Variants in REC114 observed in about 807,000 individuals in gnomAD.
REC114 encodes meiotic recombination protein REC114.
REC114 carries 27 observed loss-of-function variants against 31.3 expected under a neutral mutation model. That is an observed-to-expected ratio of 0.86 (90% CI 0.64 to 1.19). The LOEUF is 1.19. Ranked by LOEUF, REC114 falls within the 50% of genes most tolerant of loss-of-function variation. The pLI is 0.00. For missense variants in REC114, 344 were observed against 326.9 expected, an observed-to-expected ratio of 1.05 and a Z score of -0.40; for synonymous variants, 134 against 127.7, an observed-to-expected ratio of 1.05 and a Z score of -0.33.
intron 2 of REC114, among the ~76,000 whole-genome samples, chr15:73,497,526 T>C (rs1344674194): frequency 6.6e-6 from 1 of 152,186 alleles, no homozygotes; most frequent in Admixed American, 6.5e-5. Flanking sequence ...AATATCAGGG[T>C]TCTTACTCTA....
rs1045326912 is a variant in REC114 at position 73,487,984 on chromosome 15, G to A, written c.249+14063G>A. ...ACACCTGCAGAATTAGCACCATGTGGATGCTGTCAAGATTTATGTCTTGTG... is the reference window on the plus strand; with the variant it reads ...ACACCTGCAGAATTAGCACCATGTGAATGCTGTCAAGATTTATGTCTTGTG... On this transcript the variant is annotated intron_variant, in intron 2 of 5. Transcript: ENST00000331090. 5.3e-5 allele frequency among the ~76,000 whole-genome samples: 8 copies of A among 152,174 alleles called. 1 individual carries two copies. The South Asian group carries it at 6.2e-4, about 12-fold the overall frequency.
chr15:73,448,267 A>G (rs1892795407), intron 1 of REC114, among the ~76,000 whole-genome samples: 1 of 152,112 alleles, frequency 6.6e-6, no homozygotes, highest in Admixed American at 6.5e-5. Flanking sequence ...TCTCACTGCT[A>G]GCACAGCAGT....
At chr15:73,527,672 C>T (rs974274033) in intron 2 of REC114, among the ~76,000 whole-genome samples, 1 of 152,112 alleles carries the variant, frequency 6.6e-6, no homozygotes, top group Admixed American at 6.6e-5. Context: ...CTCTTATTCC[C>T]TGTTGGTCAG....
chr15:73,535,691 G>A (rs1894145029), intron 2 of REC114, among the ~76,000 whole-genome samples: 1 of 143,938 alleles, frequency 6.9e-6, no homozygotes, highest in South Asian at 2.4e-4. Flanking sequence ...AGTTCATATG[G>A]AACCAAAAAA....
intron 2 of REC114, among the ~76,000 whole-genome samples, chr15:73,520,781 T>C (rs962708922): frequency 6.6e-6 from 1 of 152,218 alleles, no homozygotes; most frequent in Admixed American, 6.5e-5. Context: ...TAAAAGAGTA[T>C]TTCTAAATCT....
intron 1 of REC114, among the ~76,000 whole-genome samples, chr15:73,461,899 ATTTTTC>A (rs1303793925): frequency 2.4e-4 from 27 of 110,682 alleles, no homozygotes; most frequent in South Asian, 8.6e-4. Context: ...TAGAGATAAC[ATTTTTC>A]TTTTTCTTTT....
At chr15:73,558,557 C>T (rs1894511466) in intron 5 of REC114, among the ~76,000 whole-genome samples, 1 of 152,222 alleles carries the variant, frequency 6.6e-6, no homozygotes, top group Non-Finnish European at 1.5e-5. Flanking sequence ...TGAAAAGATG[C>T]TCAACATTAT....
chr15:73,476,246 T>G (rs1434235287), intron 2 of REC114, among the ~76,000 whole-genome samples: 3 of 152,198 alleles, frequency 2.0e-5, no homozygotes, highest in Non-Finnish European at 4.4e-5. Flanking sequence ...AAAAATCACT[T>G]TTATTGAGGT....
intron 4 of REC114, among the ~76,000 whole-genome samples, chr15:73,551,612 CTA>C (rs1171767969): frequency 6.6e-6 from 1 of 152,152 alleles, no homozygotes; most frequent in Non-Finnish European, 1.5e-5. Flanking sequence ...TAAGAACAAA[CTA>C]ACGAAATAAC....
chr15:73,496,375 A>T (rs1021107337), intron 2 of REC114, among the ~76,000 whole-genome samples: 2 of 150,410 alleles, frequency 1.3e-5, no homozygotes, highest in Non-Finnish European at 3.0e-5. Flanking sequence ...AAAAAAAAAA[A>T]AAAGTTGCAA....
At chr15:73,479,046 C>T (rs1308554486) in intron 2 of REC114, among the ~76,000 whole-genome samples, 1 of 152,084 alleles carries the variant, frequency 6.6e-6, no homozygotes. Flanking sequence ...CCCTGCCTGC[C>T]TCACCCGCTT....
intron 5 of REC114, among the ~76,000 whole-genome samples, chr15:73,559,012 A>G (rs1269436908): frequency 6.6e-6 from 1 of 152,252 alleles, no homozygotes; most frequent in Non-Finnish European, 1.5e-5. Flanking sequence ...ATTAATCCCA[A>G]ATGTATTCAT....
chr15:73,542,966 T>TAG (rs1894260421), intron 3 of REC114, among the ~76,000 whole-genome samples: 1 of 150,664 alleles, frequency 6.6e-6, no homozygotes, highest in African/African-American at 2.4e-5. Flanking sequence ...TTTTTTTATA[T>TAG]AAATTTGCCC....
In REC114 at chr15:73,551,067, G is replaced by A; in HGVS notation, c.463G>A (p.Glu155Lys). 10 of 1,613,796 alleles carry A rather than the reference G, an allele frequency of 6.2e-6. No homozygotes were observed. Among genetic ancestry groups the A allele is most frequent in the Non-Finnish European group, 8.5e-6 (10 of 1,179,828 alleles). The change falls in exon 4 of 6, where the codon GAG becomes AAG. Residue 155 changes from glutamate (E) to lysine (K), a missense_variant. By Grantham distance (56) the Glu-to-Lys change is moderately conservative. Transcript: ENST00000331090. ...GCAGGTGCCTGATGGAAACATCCAG[G>A]AGCTTCAGCTGATTCCTGGCCCACC... ...TVQVPDGNIQELQLIPGPPRA... is the reference protein window; with the variant it reads ...TVQVPDGNIQKLQLIPGPPRA...
At chr15:73,536,023 A>G (rs1404260286) in intron 2 of REC114, among the ~76,000 whole-genome samples, 1 of 150,678 alleles carries the variant, frequency 6.6e-6, no homozygotes, top group African/African-American at 2.5e-5. Context: ...ACAAAAATCA[A>G]TTCAAGATGG....
intron 2 of REC114, among the ~76,000 whole-genome samples, chr15:73,518,415 A>G (rs1195165093): frequency 1.2e-4 from 18 of 152,218 alleles, no homozygotes. Flanking sequence ...TCCTGGCCAC[A>G]TCAGGCTTTT....
At chr15:73,521,188 C>G (rs993338729) in intron 2 of REC114, among the ~76,000 whole-genome samples, 1 of 152,184 alleles carries the variant, frequency 6.6e-6, no homozygotes. Context: ...GACTTCAACA[C>G]ACCCCTCTCA....
At chr15:73,533,942 G>A (rs28805342) in intron 2 of REC114, among the ~76,000 whole-genome samples, 7,097 of 91,618 alleles carry the variant, frequency 0.077, 333 homozygotes, top group African/African-American at 0.16. Flanking sequence ...TGACTACTGG[G>A]TACATAACGA....
At chr15:73,486,135 G>T (rs1011997164) in intron 2 of REC114, among the ~76,000 whole-genome samples, 1 of 151,924 alleles carries the variant, frequency 6.6e-6, no homozygotes, top group Non-Finnish European at 1.5e-5. Flanking sequence ...ATCTCGCTCT[G>T]TCACCAGGCT....
Sources: allele counts gnomAD v4.1 joint callset (sites outside exome capture counted in the v4.1 genomes callset), GRCh38; gene constraint gnomAD v4.1.1; transcripts MANE v1.5; gene names NCBI Gene and HGNC (gene_info 2026-07-23, HGNC 2026-07-21).